DEPDC4: variants seen among roughly 807,000 people sequenced by gnomAD.
DEPDC4 encodes DEP domain-containing protein 4.
Under a neutral mutation model 52.0 loss-of-function variants are expected in DEPDC4, and 52 were observed. The ratio of observed to expected loss-of-function variants is 1.00; its 90% CI spans 0.80 to 1.26. The LOEUF is 1.26. Ranked by LOEUF, DEPDC4 falls within the 50% of genes most tolerant of loss-of-function variation. The pLI, the probability that DEPDC4 is intolerant of heterozygous loss-of-function variation, is 0.00. For missense variants in DEPDC4, 530 were observed against 546.9 expected, an observed-to-expected ratio of 0.97 and a Z score of 0.31; for synonymous variants, 201 against 196.8, an observed-to-expected ratio of 1.02 and a Z score of -0.18.
At chr12:100,243,589 C>A (rs1482593090) in intron 8 of DEPDC4, among the ~76,000 whole-genome samples, 2 of 152,096 alleles carry the variant, frequency 1.3e-5, no homozygotes, top group Non-Finnish European at 2.9e-5. Context: ...TGATCCTATG[C>A]CCTCAAACTA....
At chr12:100,263,444 AGTT>A in intron 2 of DEPDC4, 50 bp downstream of exon 2, 1 of 1,406,018 alleles carries the variant, frequency 7.1e-7, no homozygotes, top group Non-Finnish European at 9.5e-7. Flanking sequence ...CAATAAAGAC[AGTT>A]CTTCTAGGGT....
intron 1 of DEPDC4, among the ~76,000 whole-genome samples, chr12:100,265,858 TCAAACGAGTAA>T (rs1220979426): frequency 1.3e-5 from 2 of 152,190 alleles, no homozygotes; most frequent in Non-Finnish European, 2.9e-5. Context: ...AGAATAAACT[TCAAACGAGTAA>T]CCTTGGGGAA....
chr12:100,267,723 C>G (rs7316134), upstream of DEPDC4: 2,610 of 152,406 alleles, frequency 0.017, 74 homozygotes, highest in African/African-American at 0.059. Flanking sequence ...CATGCCGGCT[C>G]GAGAGCTCGG....
intron 1 of DEPDC4, 81 bp from the exon 2 acceptor site, chr12:100,263,974 G>C (rs2096263189): frequency 7.8e-7 from 1 of 1,275,654 alleles, no homozygotes; most frequent in African/African-American, 1.5e-5. Context: ...ACAACCTTAT[G>C]CTTGTTGAAG....
chr12:100,238,349 G>A (rs545133741), downstream of DEPDC4, among the ~76,000 whole-genome samples: 210 of 151,828 alleles, frequency 1.4e-3, 2 homozygotes, highest in South Asian at 9.8e-3. Flanking sequence ...TAGTAGAGAC[G>A]GGGTTTCACC....
At position 100,241,511 on chromosome 12, in the gene DEPDC4, A is replaced by G; in HGVS notation, c.*381T>C. 2 of 361,882 alleles carry G rather than the reference A, an allele frequency of 5.5e-6. No homozygotes were observed. Among genetic ancestry groups the G allele is most frequent in the Non-Finnish European group, 8.3e-6 (2 of 240,726 alleles). 22.4% of individuals were successfully genotyped at this position (361,882 alleles called of 1,614,324 possible). ...CCAGGAGTTCGAGACCAGCCTGGGC[A>G]ACATAATAGGACCCCTGTCTCTACA... On this transcript the variant is annotated 3_prime_UTR_variant, in exon 10 of 10. Transcript: ENST00000550587.
chr12:100,253,723 G>A lies in DEPDC4; in HGVS notation c.879-8C>T, dbSNP rs2153911064. On this transcript the variant is annotated splice_region_variant and splice_polypyrimidine_tract_variant and intron_variant, in intron 4 of 9. Coordinates refer to ENST00000550587, the MANE Select transcript of DEPDC4 (RefSeq NM_001364818.2). Reference sequence around the variant, plus strand: ...TTAAGCCAGTTATCGATTCTAGAGGGAAAATGCAAACCAAAATAAAGCAAT... The same window carrying A: ...TTAAGCCAGTTATCGATTCTAGAGGAAAAATGCAAACCAAAATAAAGCAAT... The A allele has an allele frequency of 1.6e-6, 2 of 1,268,932 alleles. No homozygotes were observed. Among genetic ancestry groups the A allele is most frequent in the South Asian group, 2.5e-5 (2 of 79,038 alleles). 78.6% of individuals were successfully genotyped at this position (1,268,932 alleles called of 1,614,324 possible). A position where few individuals can be genotyped will look rare whatever the true frequency, so the allele number is the denominator to read the frequency against.
chr12:100,274,242 C>G, the DEPDC4 span, among the ~76,000 whole-genome samples: 1 of 152,152 alleles, frequency 6.6e-6, no homozygotes, highest in African/African-American at 2.4e-5. Flanking sequence ...AATATTTTTG[C>G]TTGTGTATCC....
intron 3 of DEPDC4, among the ~76,000 whole-genome samples, chr12:100,261,237 T>C (rs2096252717): frequency 6.6e-6 from 1 of 151,920 alleles, no homozygotes; most frequent in Non-Finnish European, 1.5e-5. Flanking sequence ...TTCTACACCC[T>C]TTCTTTGGGC....
At chr12:100,236,890 C>A (rs1175356480), downstream of DEPDC4, among the ~76,000 whole-genome samples, 1 of 152,176 alleles carries the variant, frequency 6.6e-6, no homozygotes, top group Non-Finnish European at 1.5e-5. Flanking sequence ...CAGTTTCATT[C>A]TCCTACATGT....
intron 3 of DEPDC4, among the ~76,000 whole-genome samples, chr12:100,257,520 C>T (rs2096238845): frequency 6.6e-6 from 1 of 152,166 alleles, no homozygotes; most frequent in Non-Finnish European, 1.5e-5. Context: ...GGATTACAGG[C>T]ATGCGCCACC....
At chr12:100,265,782 C>T (rs1385109643) in intron 1 of DEPDC4, among the ~76,000 whole-genome samples, 1 of 152,112 alleles carries the variant, frequency 6.6e-6, no homozygotes, top group African/African-American at 2.4e-5. Flanking sequence ...TATTATTATC[C>T]TACTTAGGTA....
intron 8 of DEPDC4, among the ~76,000 whole-genome samples, chr12:100,245,601 T>C (rs1429915160): frequency 3.3e-5 from 5 of 152,230 alleles, no homozygotes; most frequent in Non-Finnish European, 1.5e-5. Flanking sequence ...GTGAAATCAA[T>C]TGTTGCCAAT....
chr12:100,242,374 T>G (rs192239049), intron 9 of DEPDC4, 112 bp downstream of exon 9: 1 of 149,770 alleles, frequency 6.7e-6, no homozygotes, highest in Non-Finnish European at 1.5e-5. Flanking sequence ...GATACACCTA[T>G]GGAAATAGCC....
intron 4 of DEPDC4, among the ~76,000 whole-genome samples, chr12:100,254,312 T>C (rs1458929921): frequency 6.7e-6 from 1 of 148,188 alleles, no homozygotes; most frequent in Non-Finnish European, 1.5e-5. Flanking sequence ...ATGTCCCTTT[T>C]TTTTGACTTT....
At chr12:100,263,376 T>C (rs754986878) in intron 2 of DEPDC4, 121 bp downstream of exon 2, 228 of 811,148 alleles carry the variant, frequency 2.8e-4, no homozygotes, top group Non-Finnish European at 3.9e-4. Flanking sequence ...GGATTAATTT[T>C]CACATGGATT....
intron 4 of DEPDC4, among the ~76,000 whole-genome samples, chr12:100,254,509 A>C (rs1031410588): frequency 2.0e-5 from 3 of 151,612 alleles, no homozygotes; most frequent in Admixed American, 6.6e-5. Context: ...TATTTTGCAT[A>C]GAGACGGGGT....
the DEPDC4 span, among the ~76,000 whole-genome samples, chr12:100,272,593 C>T: frequency 6.6e-6 from 1 of 152,164 alleles, no homozygotes; most frequent in Non-Finnish European, 1.5e-5. Context: ...ATCTGAGTGT[C>T]ATTCAGGCAG....
the DEPDC4 span, among the ~76,000 whole-genome samples, chr12:100,281,649 C>T: frequency 6.6e-6 from 1 of 152,198 alleles, no homozygotes; most frequent in South Asian, 2.1e-4. Context: ...CTGGCTAACA[C>T]GGTGAAACCC....
Sources: gnomAD v4.1 joint callset for allele counts (sites outside exome capture counted in the v4.1 genomes callset) on GRCh38, gnomAD v4.1.1 for gene constraint, MANE v1.5 for transcripts, NCBI Gene and HGNC (gene_info 2026-07-23, HGNC 2026-07-21) for gene names.